The following SEC14L1 variants were observed in gnomAD, a reference collection of about 807,000 sequenced individuals.
The protein encoded by SEC14L1 is SEC14 like lipid binding 1.
In SEC14L1, 48 loss-of-function variants were observed where a neutral mutation model predicts 85.3. The ratio of observed to expected loss-of-function variants is 0.56; its 90% CI spans 0.45 to 0.72. The LOEUF is 0.72. SEC14L1 is among the 30% of genes least tolerant of loss of function. SEC14L1 has a pLI of 0.00. For synonymous variants in SEC14L1, 391 were observed against 355.5 expected (o/e 1.10, Z -1.12); for missense variants, 682 against 921.4 (o/e 0.74, Z 3.36).
Position 77,198,125 on chromosome 17 carries a change from A to G in SEC14L1, c.819+1814A>G, listed in dbSNP as rs571757941. Among the ~76,000 whole-genome samples, 7 of 152,376 alleles carry G rather than the reference A, an allele frequency of 4.6e-5. No individual in the cohort carries two copies. The South Asian group carries it at 1.4e-3, about 32-fold the overall frequency. On this transcript the variant is annotated intron_variant, in intron 8 of 16. Coordinates refer to ENST00000436233, the MANE Select transcript of SEC14L1 (RefSeq NM_001143998.2). ...AAATGCCTTTTAATAAATAAAGGGAACCATTTTAGATACAGGAAATTCTAA... is the reference window on the plus strand; with the variant it reads ...AAATGCCTTTTAATAAATAAAGGGAGCCATTTTAGATACAGGAAATTCTAA...
At chr17:77,109,930 A>G (rs1358686437) in intron 3 of SEC14L1, among the ~76,000 whole-genome samples, 1 of 152,158 alleles carries the variant, frequency 6.6e-6, no homozygotes, top group African/African-American at 2.4e-5. Context: ...ATCATAATTC[A>G]TCATAATTTG....
At chr17:77,196,683 G>A (rs371998584) in intron 8 of SEC14L1, among the ~76,000 whole-genome samples, 1 of 151,530 alleles carries the variant, frequency 6.6e-6, no homozygotes, top group East Asian at 1.9e-4. Flanking sequence ...TGAAATTTTA[G>A]CCTCATAAAG....
chr17:77,164,217 C>T (rs892813088), intron 3 of SEC14L1, among the ~76,000 whole-genome samples: 11 of 152,182 alleles, frequency 7.2e-5, no homozygotes, highest in Non-Finnish European at 1.5e-4. Flanking sequence ...GCAGGCAGAG[C>T]GCCTGTGCCC....
At chr17:77,095,137 A>T (rs555355) in intron 3 of SEC14L1, 27,727 of 152,084 alleles carry the variant, frequency 0.18, 2,895 homozygotes, top group East Asian at 0.34. Flanking sequence ...AGTTGGTTCA[A>T]TCTTGGTTTG....
chr17:77,157,775 C>T (rs1196092961), intron 3 of SEC14L1, among the ~76,000 whole-genome samples: 1 of 152,162 alleles, frequency 6.6e-6, no homozygotes, highest in East Asian at 1.9e-4. Context: ...ATGCGTCTGC[C>T]TTGGCCTCCC....
At chr17:77,143,685 T>G in intron 3 of SEC14L1, 26 bp downstream of exon 3, 1 of 1,500,696 alleles carries the variant, frequency 6.7e-7, no homozygotes, top group Non-Finnish European at 9.3e-7. Flanking sequence ...TTCAATTTAC[T>G]CTTTGGCTTC....
chr17:77,203,473 C>A, intron 9 of SEC14L1, 97 bp from the exon 10 acceptor site: 2 of 1,056,028 alleles, frequency 1.9e-6, no homozygotes, highest in Non-Finnish European at 2.8e-6. Flanking sequence ...GCCCCTAGAA[C>A]ACAGGCGAAC....
chr17:77,211,905 C>T (rs1294024939), intron 14 of SEC14L1, 45 bp from the exon 15 acceptor site: 4 of 1,603,142 alleles, frequency 2.5e-6, no homozygotes, highest in Non-Finnish European at 3.4e-6. Context: ...GCATGCCGGC[C>T]TGGTGCTCGT....
chr17:77,200,667 G>A lies in SEC14L1; in HGVS notation c.1003G>A (p.Asp335Asn). 1 of 1,612,206 alleles carries A rather than the reference G, an allele frequency of 6.2e-7. No individual in the cohort carries two copies. The highest frequency in any genetic ancestry group is 8.5e-7 in the Non-Finnish European group (1 of 1,179,188). The change falls in exon 9 of 17, where the codon GAC (aspartate) becomes AAC (asparagine). Residue 335 changes from aspartate (D) to asparagine (N), a missense_variant. Asp to Asn is a conservative substitution (Grantham distance 23). Transcript: ENST00000436233. The stretch of plus-strand genomic sequence containing the variant: ...CTACGCGGGAGGCTGGCATCATCAC[G>A]ACAAAGGTACCGGATGGAGTTGAAA... ...DYYAGGWHHHDKDGRPLYVLR... is the reference protein window; with the variant it reads ...DYYAGGWHHHNKDGRPLYVLR...
intron 3 of SEC14L1, among the ~76,000 whole-genome samples, chr17:77,122,066 A>G (rs1972313278): frequency 6.6e-6 from 1 of 152,140 alleles, no homozygotes; most frequent in Non-Finnish European, 1.5e-5. Context: ...TAGATGACAA[A>G]CTACCGAGTC....
intron 3 of SEC14L1, among the ~76,000 whole-genome samples, chr17:77,162,463 G>T (rs138110287): frequency 5.0e-4 from 76 of 152,266 alleles, no homozygotes; most frequent in African/African-American, 1.8e-3. Context: ...TTTCTTCTGG[G>T]TGTAATTTAG....
chr17:77,196,131 T>A, intron 7 of SEC14L1, 71 bp from the exon 8 acceptor site: 1 of 1,219,146 alleles, frequency 8.2e-7, no homozygotes, highest in South Asian at 1.2e-5. Context: ...TTAACTCCAC[T>A]GAGCACAAAG....
chr17:77,185,712 A>G (rs1201007682), intron 3 of SEC14L1, among the ~76,000 whole-genome samples: 1 of 152,074 alleles, frequency 6.6e-6, no homozygotes, highest in Non-Finnish European at 1.5e-5. Flanking sequence ...TGTTTTTTTA[A>G]TTAGAGTGCA....
intron 14 of SEC14L1, 152 bp downstream of exon 14, chr17:77,209,628 T>G (rs1285436972): frequency 1.3e-6 from 1 of 770,884 alleles, no homozygotes; most frequent in Admixed American, 3.1e-5. Context: ...ATATTTAGTT[T>G]CAGTAAATGT....
Position 77,206,824 on chromosome 17 carries a change from A to C in SEC14L1, c.1438A>C (p.Lys480Gln). 3.7e-6 allele frequency: 6 copies of C among 1,611,110 alleles called. No homozygotes were observed. The highest frequency in any genetic ancestry group is 5.1e-6 in the Non-Finnish European group (6 of 1,179,132). Residue 480 changes from lysine (K) to glutamine (Q), a missense_variant, in exon 13 of 17, where the codon AAA (lysine) becomes CAA (glutamine). Physicochemically the swap from Lys to Gln is moderately conservative, Grantham distance 53 (BLOSUM62 1). Around this residue, in one of 3 missense-constraint regions of SEC14L1, gnomAD observed 420 missense variants for 619.5 expected, o/e 0.68. Coordinates refer to ENST00000436233, the MANE Select transcript of SEC14L1 (RefSeq NM_001143998.2). This position sits in a 1 kb window ranked among gnomAD's most constrained non-coding sequence, Gnocchi z 4.3. ...GPGGLLDYIDKEIIPDFLSGE... is the reference protein window; with the variant it reads ...GPGGLLDYIDQEIIPDFLSGE... ...TGGAGGCCTGCTGGATTACATCGACAAAGAGATTATTCCAGATTTCCTGAG... is the reference window on the plus strand; with the variant it reads ...TGGAGGCCTGCTGGATTACATCGACCAAGAGATTATTCCAGATTTCCTGAG...
At chr17:77,176,927 C>T (rs1315607016) in intron 3 of SEC14L1, among the ~76,000 whole-genome samples, 2 of 152,154 alleles carry the variant, frequency 1.3e-5, no homozygotes, top group African/African-American at 2.4e-5. Context: ...TTTAGGTTCA[C>T]TCTGTGTTGT....
chr17:77,088,823 G>T (rs1003774758), exon 1 of SEC14L1: 1 of 146,898 alleles, frequency 6.8e-6, no homozygotes, highest in African/African-American at 2.4e-5. Context: ...CTGCGGAATT[G>T]GGCTCGCCCC....
At chr17:77,175,713 G>A (rs1399806763) in intron 3 of SEC14L1, among the ~76,000 whole-genome samples, 1 of 152,142 alleles carries the variant, frequency 6.6e-6, no homozygotes, top group African/African-American at 2.4e-5. Context: ...CCTGTGTTGA[G>A]GGAGTGCTGG....
At chr17:77,182,220 G>A (rs890594485) in intron 3 of SEC14L1, among the ~76,000 whole-genome samples, 15 of 152,326 alleles carry the variant, frequency 9.8e-5, no homozygotes, top group South Asian at 8.3e-4. Flanking sequence ...TTCTGGTGGA[G>A]TGCAGCATTC....
Sources: allele counts gnomAD v4.1 joint callset (sites outside exome capture counted in the v4.1 genomes callset), GRCh38; gene constraint gnomAD v4.1.1; regional missense constraint gnomAD v4.1.1; non-coding constraint Gnocchi (gnomAD v3.1); transcripts MANE v1.5; gene names NCBI Gene and HGNC (gene_info 2026-07-23, HGNC 2026-07-21).